Variants in TTN observed in about 807,000 individuals in gnomAD.
TTN encodes the protein connectin.
A neutral mutation model predicts 3,223.0 loss-of-function variants in TTN; 1,525 were observed. That is an observed-to-expected ratio of 0.47 (90% CI 0.45 to 0.49). The LOEUF is 0.49. TTN is among the 20% of genes least tolerant of loss of function. TTN has a pLI of 0.00. For missense variants in TTN, 40,786 were observed against 43,424.0 expected (o/e 0.94, Z 5.40); for synonymous variants, 14,094 against 15,161.0 (o/e 0.93, Z 5.17).
At chr2:178,735,061 T>A in intron 50 of TTN, 73 bp from the exon 51 acceptor site, 13 of 1,442,138 alleles carry the variant, frequency 9.0e-6, no homozygotes, top group Non-Finnish European at 1.2e-5. Flanking sequence ...AAAGTAGACA[T>A]ATACAACAAA....
intron 287 of TTN, 29 bp from the exon 288 acceptor site, chr2:178,601,200 G>A (rs766515793): frequency 2.0e-6 from 3 of 1,521,010 alleles, no homozygotes; most frequent in South Asian, 2.7e-5. Flanking sequence ...GAAGTATTAA[G>A]CGTTGTTTAT....
In TTN at chr2:178,541,282, C is replaced by T. The variant is rs1694398754; in HGVS notation, c.97795G>A (p.Ala32599Thr). Reference sequence around the variant, plus strand: ...TTTGACTGATACAAAATGTCCTTACCAATTGGATCCATGGCAACGATGGGT... The same window carrying T: ...TTTGACTGATACAAAATGTCCTTACTAATTGGATCCATGGCAACGATGGGT... The part of the protein sequence containing the change: ...SKPIVAMDPI[A>T]PPGKPQNPRV... Residue 32599 changes from alanine (A) to threonine (T), a missense_variant and splice_region_variant, in exon 350 of 363, where the codon GCT (alanine) becomes ACT (threonine). Transcript: ENST00000589042. The T allele has an allele frequency of 3.4e-6, 5 of 1,492,228 alleles. No homozygotes were observed. Among genetic ancestry groups the T allele is most frequent in the Non-Finnish European group, 4.5e-6 (5 of 1,112,000 alleles). The allele number at this position is 1,492,228 out of a possible 1,614,324, so 92.4% of individuals were successfully genotyped here. A position where few individuals can be genotyped will look rare whatever the true frequency, so the allele number is the denominator to read the frequency against.
rs752499533 is a variant in TTN, at chr2:178,719,208, T to C, written c.24182A>G (p.Asn8061Ser). 4.3e-6 allele frequency: 7 copies of C among 1,613,616 alleles called. No homozygotes were observed. The South Asian group carries it at 5.5e-5, about 13-fold the overall frequency. Residue 8061 changes from asparagine (N) to serine (S), a missense_variant, in exon 83 of 363, where the codon AAT (asparagine) becomes AGT (serine). Transcript: ENST00000589042. ...DTGIYTCVAA[N>S]VAGSDECSAV... The stretch of plus-strand genomic sequence containing the variant: ...TGAGCACTCATCGGAACCAGCTACA[T>C]TGGCAGCCACACACGTGTATATGCC...
chr2:178,671,147 T>C lies in TTN; in HGVS notation c.35251A>G (p.Ile11751Val). 1 of 1,603,802 alleles carries C rather than the reference T, an allele frequency of 6.2e-7. No individual in the cohort carries two copies. Among genetic ancestry groups the C allele is most frequent in the Non-Finnish European group, 8.5e-7 (1 of 1,175,758 alleles). The change falls in exon 156 of 363, where the codon ATC becomes GTC. Residue 11751 changes from isoleucine (I) to valine (V), a missense_variant. Coordinates refer to ENST00000589042, the MANE Select transcript of TTN (RefSeq NM_001267550.2). Reference sequence around the variant, plus strand: ...TTAGTGGGCGGTTTTTTTGGAGGGATGATTTTCTCAGATATCTCAGGCCCT... The same window carrying C: ...TTAGTGGGCGGTTTTTTTGGAGGGACGATTTTCTCAGATATCTCAGGCCCT... Reference protein sequence around the residue: ...PKGPEISEKIIPPKKPPTKVV... With the variant: ...PKGPEISEKIVPPKKPPTKVV...
intron 41 of TTN, among the ~76,000 whole-genome samples, chr2:178,765,087 C>T (rs182085578): frequency 1.7e-3 from 263 of 152,190 alleles, no homozygotes; most frequent in Non-Finnish European, 3.0e-3. Flanking sequence ...CTGATTATCC[C>T]AGTTTCTGTT....
chr2:178,586,437 G>A, intron 308 of TTN, 68 bp downstream of exon 308: 4 of 1,560,162 alleles, frequency 2.6e-6, no homozygotes, highest in South Asian at 2.4e-5. Flanking sequence ...AGGGAGAAAT[G>A]TCTACATATA....
At chr2:178,588,429 TAC>T in intron 304 of TTN, 107 bp downstream of exon 304, 3 of 1,320,496 alleles carry the variant, frequency 2.3e-6, no homozygotes, top group Middle Eastern at 1.9e-4. Flanking sequence ...ATTTGCTAAA[TAC>T]AGTTTGGATG....
At chr2:178,710,504 C>G in intron 98 of TTN, 131 bp downstream of exon 98, 1 of 1,142,624 alleles carries the variant, frequency 8.8e-7, no homozygotes. Context: ...AAACTTATTT[C>G]CTCTTAAACA....
intron 295 of TTN, 94 bp from the exon 296 acceptor site, chr2:178,594,740 T>G (rs2051046008): frequency 1.0e-6 from 1 of 997,652 alleles, no homozygotes; most frequent in Admixed American, 2.5e-5. Context: ...AAGATTGCAT[T>G]TAAACATTAA....
rs766575722 is a variant in TTN, at chr2:178,740,582, T to C, written c.12651A>G (p.Ser4217=). 1.9e-6 allele frequency: 3 copies of C among 1,613,864 alleles called. No individual in the cohort carries two copies. In the South Asian group the frequency reaches 3.3e-5, roughly 18 times the overall value. Residue 4217 remains serine (S), a synonymous_variant, in exon 48 of 363, where the codon TCA becomes TCG. Coordinates refer to ENST00000589042, the MANE Select transcript of TTN (RefSeq NM_001267550.2). ...GATAAGAATGCATTGGAGGTTCTAT[T>C]GAAGACTGTGGATAATTCCCTTCAG... ...AEPEGNYPQS[S]IEPPMHSYLT... is the part of the protein sequence containing the mutation.
intron 212 of TTN, 46 bp downstream of exon 212, chr2:178,649,508 T>C: frequency 1.3e-6 from 2 of 1,520,488 alleles, no homozygotes; most frequent in Middle Eastern, 3.4e-4. Context: ...CACTTTAAGA[T>C]ATCAGAATAC....
In TTN at chr2:178,534,092, G is replaced by A. The variant is rs752697861; in HGVS notation, c.102523C>T (p.Arg34175Ter). The A allele has an allele frequency of 4.3e-6, 7 of 1,613,800 alleles. No homozygotes were observed. Among genetic ancestry groups the A allele is most frequent in the Middle Eastern group, 1.6e-4 (1 of 6,062 alleles). ...TATTTCTCACTGTTCTCCAGCTGTC[G>A]GACGCCAAAGTACCAAGTCACTTGG... is the stretch of plus-strand genomic sequence containing the variant. ...STQVTWYFGV[R>*]QLENSEKYEI... The change falls in exon 358 of 363, where the codon CGA becomes TGA. Residue 34175 changes from arginine to a stop codon, truncating the protein, a stop_gained. Coordinates refer to ENST00000589042, the MANE Select transcript of TTN (RefSeq NM_001267550.2). LOFTEE classifies it high-confidence loss of function.
At chr2:178,779,518 T>G in intron 22 of TTN, 56 bp from the exon 23 acceptor site, 1 of 1,120,926 alleles carries the variant, frequency 8.9e-7, no homozygotes, top group South Asian at 1.4e-5. Context: ...ATATAAATTA[T>G]TTAAGGAGAT....
Position 178,732,101 on chromosome 2 carries a change from C to A in TTN, c.16868G>T (p.Gly5623Val), listed in dbSNP as rs768364912. The change falls in exon 57 of 363, where the codon GGC becomes GTC. Residue 5623 changes from glycine to valine, a missense_variant. By Grantham distance (109) the Gly-to-Val change is moderately radical. Coordinates refer to ENST00000589042, the MANE Select transcript of TTN (RefSeq NM_001267550.2). ...EYMCEAQNEA[G>V]SDHCSSIVIV... is the part of the protein sequence containing the mutation. ...TACAATGCTACTGCAGTGGTCACTGCCAGCCTCATTTTGGGCCTCACACAT... is the reference window on the plus strand; with the variant it reads ...TACAATGCTACTGCAGTGGTCACTGACAGCCTCATTTTGGGCCTCACACAT... 5.0e-6 allele frequency: 8 copies of A among 1,612,480 alleles called. No individual in the cohort carries two copies. In the East Asian group the frequency reaches 6.7e-5, roughly 13 times the overall value.
At chr2:178,644,846 A>AT in intron 217 of TTN, 1 of 415,674 alleles carries the variant, frequency 2.4e-6, no homozygotes, top group East Asian at 4.6e-5. Flanking sequence ...AAAGAAGACA[A>AT]TTTTTGTTAT....
Position 178,576,620 on chromosome 2 carries a change from G to T in TTN, c.69624C>A (p.Ser23208Arg). Reference sequence around the variant, plus strand: ...CTGCACTGACACGGAATTCGTAGGTGCTTCCTTCTTGCAGTCCTGTTACTT... The same window carrying T: ...CTGCACTGACACGGAATTCGTAGGTTCTTCCTTCTTGCAGTCCTGTTACTT... Reference protein sequence around the residue: ...RCKVTGLQEGSTYEFRVSAEN... With the variant: ...RCKVTGLQEGRTYEFRVSAEN... Residue 23208 changes from serine (S) to arginine (R), a missense_variant, in exon 325 of 363, where the codon AGC (serine) becomes AGA (arginine). Transcript: ENST00000589042. This position sits in a 1 kb window ranked among gnomAD's most constrained non-coding sequence, Gnocchi z 4.3. 6.2e-7 allele frequency: 1 copy of T among 1,613,586 alleles called. No individual in the cohort carries two copies. Among genetic ancestry groups the T allele is most frequent in the Non-Finnish European group, 8.5e-7 (1 of 1,179,618 alleles).
intron 100 of TTN, 102 bp downstream of exon 100, chr2:178,707,422 GAT>G: frequency 7.4e-7 from 1 of 1,357,286 alleles, no homozygotes; most frequent in Non-Finnish European, 9.7e-7. Flanking sequence ...AGCAACAACT[GAT>G]ATTTCTAAAA....
In TTN at chr2:178,579,604, T is replaced by C. The variant is rs766937550; in HGVS notation, c.67593A>G (p.Glu22531=). Residue 22531 remains glutamate, a synonymous_variant, in exon 319 of 363, where the codon GAA becomes GAG. Coordinates refer to ENST00000589042, the MANE Select transcript of TTN (RefSeq NM_001267550.2). The stretch of plus-strand genomic sequence containing the variant: ...CAACAGTGATTTCGCTTGGGGTTCC[T>C]TCTCCATTTTCATTCTCAGCACTCA... ...FRVSAENENG[E]GTPSEITVVA... is the part of the protein sequence containing the mutation. 6 of 1,613,374 alleles carry C rather than the reference T, an allele frequency of 3.7e-6. No homozygotes were observed. Among genetic ancestry groups the C allele is most frequent in the East Asian group, 2.2e-5 (1 of 44,810 alleles).
At position 178,718,797 on chromosome 2, in the gene TTN, G is replaced by T. The variant is rs762631646; in HGVS notation, c.24403C>A (p.Leu8135Met). The T allele has an allele frequency of 6.2e-7, 1 of 1,613,768 alleles. No individual in the cohort carries two copies. The highest frequency in any genetic ancestry group is 1.1e-5 in the South Asian group (1 of 91,084). Reference protein sequence around the residue: ...NISLEDFVTELELFEVQPLES... With the variant: ...NISLEDFVTEMELFEVQPLES... The stretch of plus-strand genomic sequence containing the variant: ...AATGGCTGCACCTCAAACAACTCCA[G>T]TTCTGTGACAAAATCTTCCAGAGAG... Residue 8135 changes from leucine (L) to methionine (M), a missense_variant, in exon 84 of 363, where the codon CTG (leucine) becomes ATG (methionine). Coordinates refer to ENST00000589042, the MANE Select transcript of TTN (RefSeq NM_001267550.2).
Sources: allele counts gnomAD v4.1 joint callset (sites outside exome capture counted in the v4.1 genomes callset), GRCh38; gene constraint gnomAD v4.1.1; non-coding constraint Gnocchi (gnomAD v3.1); transcripts MANE v1.5; gene names NCBI Gene and HGNC (gene_info 2026-07-23, HGNC 2026-07-21).